The following ARHGEF7 variants were observed in gnomAD, a reference collection of about 807,000 sequenced individuals.
ARHGEF7 encodes the protein Rho guanine nucleotide exchange factor 7, also known as PAK-interacting exchange factor beta.
Under a neutral mutation model 109.8 loss-of-function variants are expected in ARHGEF7, and 33 were observed. The observed-to-expected ratio is 0.30, with a 90% CI of 0.23 to 0.40. The LOEUF (loss-of-function observed/expected upper bound fraction) is 0.40. Ranked by LOEUF, ARHGEF7 falls within the 10% of genes least tolerant of loss-of-function variation. The probability of loss-of-function intolerance (pLI) is 1.00; values close to 1 mark genes in which losing one functional copy is unlikely to be tolerated. For missense variants in ARHGEF7, 938 were observed against 1,098.5 expected (o/e 0.85, Z 2.07); for synonymous variants, 458 against 424.6 (o/e 1.08, Z -0.97).
chr13:111,286,657 G>T lies in ARHGEF7; in HGVS notation c.2044+417G>T, dbSNP rs138220032. Reference sequence around the variant, plus strand: ...CCTGTGGGTAGCACCCACCCGTGCTGTTCTCTTGCTGGTCTCTCTGCTGTT... The same window carrying T: ...CCTGTGGGTAGCACCCACCCGTGCTTTTCTCTTGCTGGTCTCTCTGCTGTT... On this transcript the variant is annotated intron_variant, in intron 17 of 21. Transcript: ENST00000646102. Among the ~76,000 whole-genome samples the T allele has an allele frequency of 4.8e-3, 732 of 152,248 alleles. 2 individuals are homozygous for T. The highest frequency in any genetic ancestry group is 0.017 in the African/African-American group (699 of 41,556).
chr13:111,129,866 A>G (rs1474508085), intron 1 of ARHGEF7, among the ~76,000 whole-genome samples: 1 of 152,210 alleles, frequency 6.6e-6, no homozygotes, highest in East Asian at 1.9e-4. Flanking sequence ...CAGCTATTCT[A>G]CTTTGAGATG....
intron 2 of ARHGEF7, among the ~76,000 whole-genome samples, chr13:111,199,093 C>G (rs2080912379): frequency 6.6e-6 from 1 of 152,194 alleles, no homozygotes; most frequent in African/African-American, 2.4e-5. Context: ...ACCCAGAAGC[C>G]CAGCTGGCTT....
At chr13:111,302,203 T>C (rs1224402766) in intron 21 of ARHGEF7, among the ~76,000 whole-genome samples, 5 of 152,196 alleles carry the variant, frequency 3.3e-5, no homozygotes, top group Non-Finnish European at 5.9e-5. Flanking sequence ...CCAAGGGTGT[T>C]CTGGGTATTG....
rs2066684337 is a variant in ARHGEF7 at position 111,115,718 on chromosome 13, G to T, written c.165+27G>T. The stretch of plus-strand genomic sequence containing the variant: ...TAAGTCCCGGCCCGCGCCCCCGCCC[G>T]CGCCCCCCGGTCCGGCCCGCTGCGG... On this transcript the variant is annotated intron_variant, in intron 1 of 21. Transcript: ENST00000646102. 5.3e-6 allele frequency: 6 copies of T among 1,129,446 alleles called. No homozygotes were observed. In the African/African-American group the frequency reaches 1.0e-4, roughly 19 times the overall value. The allele number at this position is 1,129,446 out of a possible 1,614,324, so 70.0% of individuals were successfully genotyped here.
intron 2 of ARHGEF7, among the ~76,000 whole-genome samples, chr13:111,180,582 T>A (rs2078638628): frequency 6.6e-6 from 1 of 152,158 alleles, no homozygotes; most frequent in Non-Finnish European, 1.5e-5. Context: ...GCAGAGATAG[T>A]GATCACACTA....
At chr13:111,218,509 A>G (rs756927493) in intron 5 of ARHGEF7, among the ~76,000 whole-genome samples, 1 of 152,182 alleles carries the variant, frequency 6.6e-6, no homozygotes, top group Non-Finnish European at 1.5e-5. Flanking sequence ...GAAGGGAACA[A>G]TCATGTGTGT....
rs539056396 is a variant in ARHGEF7, at chr13:111,223,085, A to T, written c.670+5205A>T. Among the ~76,000 whole-genome samples, 18 of 152,360 alleles carry T rather than the reference A, an allele frequency of 1.2e-4. 1 individual carries two copies. Among genetic ancestry groups the T allele is most frequent in the African/African-American group, 3.8e-4 (16 of 41,590 alleles). ...GTATGTATAGATGGGAAAACATAGT[A>T]TATATAGGGTTGGTATATATACAGA... On this transcript the variant is annotated intron_variant, in intron 5 of 21. Transcript: ENST00000646102.
At chr13:111,230,371 G>T (rs1566904344) in intron 5 of ARHGEF7, among the ~76,000 whole-genome samples, 1 of 152,180 alleles carries the variant, frequency 6.6e-6, no homozygotes, top group Non-Finnish European at 1.5e-5. Context: ...GTGCTTTTCT[G>T]TCTGTTACGA....
At chr13:111,153,338 G>A (rs918066904) in intron 1 of ARHGEF7, among the ~76,000 whole-genome samples, 1 of 152,104 alleles carries the variant, frequency 6.6e-6, no homozygotes, top group African/African-American at 2.4e-5. Flanking sequence ...TAGGGGCCGA[G>A]CGGGTGCGCT....
intron 2 of ARHGEF7, among the ~76,000 whole-genome samples, chr13:111,177,185 G>A (rs925248432): frequency 2.6e-5 from 4 of 152,360 alleles, no homozygotes; most frequent in African/African-American, 9.6e-5. Flanking sequence ...GGGAGAAACG[G>A]AGGTATTGAG....
intron 2 of ARHGEF7, chr13:111,186,871 A>G: frequency 2.0e-6 from 2 of 985,500 alleles, no homozygotes; most frequent in Non-Finnish European, 2.4e-6. Flanking sequence ...GAAAGTGAGG[A>G]GAAGCAAAAA....
intron 2 of ARHGEF7, among the ~76,000 whole-genome samples, chr13:111,164,313 G>A (rs553774974): frequency 3.3e-4 from 51 of 152,330 alleles, no homozygotes; most frequent in Non-Finnish European, 6.3e-4. Context: ...CCACTCCACT[G>A]GCTGGGTTCT....
intron 2 of ARHGEF7, chr13:111,187,110 T>C (rs2079344795): frequency 1.4e-6 from 1 of 703,832 alleles, no homozygotes. Flanking sequence ...CGTGCATTTG[T>C]GTGGCCCTAG....
chr13:111,209,442 A>T (rs1227355902), intron 3 of ARHGEF7: 1 of 153,376 alleles, frequency 6.5e-6, no homozygotes, highest in African/African-American at 2.4e-5. Context: ...TTTAAATAAG[A>T]GTCTTTTCCT....
chr13:111,244,816 G>T (rs758694559), intron 8 of ARHGEF7, among the ~76,000 whole-genome samples: 1 of 152,198 alleles, frequency 6.6e-6, no homozygotes, highest in Non-Finnish European at 1.5e-5. Flanking sequence ...TATTAATCAA[G>T]ACCATTCCAG....
chr13:111,238,006 C>T (rs2087071517), intron 6 of ARHGEF7, among the ~76,000 whole-genome samples: 1 of 152,200 alleles, frequency 6.6e-6, no homozygotes, highest in African/African-American at 2.4e-5. Context: ...GGCAGGCACA[C>T]AGGCCTTGGG....
rs2086561328 is a variant in ARHGEF7 at position 111,234,699 on chromosome 13, G to GAA, written c.759+1408_759+1409dup. Among the ~76,000 whole-genome samples, 3 of 152,138 alleles carry GAA rather than the reference G, an allele frequency of 2.0e-5. No individual in the cohort carries two copies. In the South Asian group the frequency reaches 6.2e-4, roughly 32 times the overall value. ...CAACTCCGGATCCTTTTCTGCCTTG[G>GAA]AAACCCTTTTCTTTTGCTTCCCCTC... On this transcript the variant is annotated intron_variant, in intron 6 of 21. Coordinates refer to ENST00000646102, the MANE Select transcript of ARHGEF7 (RefSeq NM_001354046.2).
chr13:111,302,127 T>C (rs1225767681), intron 21 of ARHGEF7, among the ~76,000 whole-genome samples: 2 of 152,218 alleles, frequency 1.3e-5, no homozygotes, highest in African/African-American at 4.8e-5. Context: ...CCCCTGAGAT[T>C]AGCCTCTGCC....
intron 2 of ARHGEF7, among the ~76,000 whole-genome samples, chr13:111,158,662 A>G (rs2076526529): frequency 6.6e-6 from 1 of 152,254 alleles, no homozygotes; most frequent in Non-Finnish European, 1.5e-5. Flanking sequence ...TCAACAGAGC[A>G]TGAAATGTAG....
Sources: allele counts gnomAD v4.1 joint callset (sites outside exome capture counted in the v4.1 genomes callset), GRCh38; gene constraint gnomAD v4.1.1; transcripts MANE v1.5; gene names NCBI Gene and HGNC (gene_info 2026-07-23, HGNC 2026-07-21).